The following DYRK4 variants were observed in gnomAD, a reference collection of about 807,000 sequenced individuals.
DYRK4 encodes the protein dual specificity tyrosine-phosphorylation-regulated kinase 4.
Under a neutral mutation model 68.3 loss-of-function variants are expected in DYRK4, and 64 were observed. That is an observed-to-expected ratio of 0.94 (90% CI 0.77 to 1.15). The LOEUF (loss-of-function observed/expected upper bound fraction) is 1.15. DYRK4 is among the 50% of genes most tolerant of loss of function. The pLI, the probability that DYRK4 is intolerant of heterozygous loss-of-function variation, is 0.00. For missense variants in DYRK4, 740 were observed against 764.7 expected (o/e 0.97, Z 0.38); for synonymous variants, 274 against 289.9 (o/e 0.95, Z 0.56).
rs140413837 is a variant in DYRK4 at position 4,599,629 on chromosome 12, G to C, written c.1045-78G>C. The stretch of plus-strand genomic sequence containing the variant: ...GGTCATATTTGAACTGGGCCCTGAA[G>C]GATGAGGAGCATTTAGGTAAGTAGA... On this transcript the variant is annotated intron_variant, in intron 9 of 14. Transcript: ENST00000543431. The C allele has an allele frequency of 1.5e-4, 159 of 1,076,184 alleles. No individual in the cohort carries two copies. In the East Asian group the frequency reaches 3.7e-3, roughly 25 times the overall value. 66.7% of individuals were successfully genotyped at this position (1,076,184 alleles called of 1,614,324 possible). A position where few individuals can be genotyped will look rare whatever the true frequency, so the allele number is the denominator to read the frequency against.
At chr12:4,579,427 G>A (rs1404928409) in intron 2 of DYRK4, among the ~76,000 whole-genome samples, 1 of 152,152 alleles carries the variant, frequency 6.6e-6, no homozygotes, top group Non-Finnish European at 1.5e-5. Context: ...TTAAGCCATT[G>A]GCTAATGCCC....
Position 4,591,684 on chromosome 12 carries a change from A to C in DYRK4, c.463+386A>C. ...GGTACTGAATACTGAGAGCAGAGCA[A>C]AGGGTGCTGAAGCTTGCTCCTTCCT... On this transcript the variant is annotated intron_variant, in intron 5 of 14. Coordinates refer to ENST00000543431, the MANE Select transcript of DYRK4 (RefSeq NM_001394779.1). This position sits in a 1 kb window ranked among gnomAD's most constrained non-coding sequence, Gnocchi z 4.1. 5.7e-6 allele frequency: 1 copy of C among 174,304 alleles called. No individual in the cohort carries two copies. Among genetic ancestry groups the C allele is most frequent in the Non-Finnish European group, 1.2e-5 (1 of 82,256 alleles). The allele number at this position is 174,304 out of a possible 1,614,324, so 10.8% of individuals were successfully genotyped here.
intron 1 of DYRK4, among the ~76,000 whole-genome samples, chr12:4,564,172 A>G (rs1027497685): frequency 1.3e-5 from 2 of 152,358 alleles, no homozygotes; most frequent in Admixed American, 6.5e-5. Context: ...ATACATTTAG[A>G]TAGAAGAAAT....
chr12:4,580,606 C>A (rs1029516912), intron 2 of DYRK4, among the ~76,000 whole-genome samples: 1 of 152,196 alleles, frequency 6.6e-6, no homozygotes, highest in African/African-American at 2.4e-5. Context: ...TAGTTGCATT[C>A]TGCAGAAAAT....
intron 13 of DYRK4, 178 bp downstream of exon 13, chr12:4,610,462 T>G: frequency 1.8e-6 from 1 of 563,064 alleles, no homozygotes; most frequent in Non-Finnish European, 2.9e-6. Flanking sequence ...CAGACATCTC[T>G]CCCTACTGTG....
intron 1 of DYRK4, 134 bp from the exon 2 acceptor site, chr12:4,567,821 G>A (rs1415415727): frequency 5.7e-6 from 4 of 699,528 alleles, no homozygotes; most frequent in Non-Finnish European, 9.5e-6. Flanking sequence ...GAGAAGCAGG[G>A]ACCCTGCTCC....
rs1307487006 is a variant in DYRK4 at position 4,582,823 on chromosome 12, G to C, written c.133-6114G>C. ...TGCAGTGGCAGGAGCCAAAAGGCAG[G>C]GGTAGGGCCATGACAAGGGTTGAGG... is the stretch of plus-strand genomic sequence containing the variant. On this transcript the variant is annotated intron_variant, in intron 2 of 14. Transcript: ENST00000543431. Among the ~76,000 whole-genome samples the C allele has an allele frequency of 2.0e-5, 3 of 152,294 alleles. No homozygotes were observed. The East Asian group carries it at 5.8e-4, about 29-fold the overall frequency.
chr12:4,565,329 AC>A (rs1297552225), intron 1 of DYRK4, among the ~76,000 whole-genome samples: 1 of 152,250 alleles, frequency 6.6e-6, no homozygotes, highest in African/African-American at 2.4e-5. Context: ...GGAATAAGTC[AC>A]AAGAGATTTT....
chr12:4,599,896 A>G (rs1945062269), intron 10 of DYRK4, 108 bp downstream of exon 10: 2 of 882,934 alleles, frequency 2.3e-6, no homozygotes, highest in Non-Finnish European at 3.6e-6. Flanking sequence ...CACCACTACC[A>G]GTATGATTTT....
At chr12:4,589,541 G>T (rs560773485) in intron 3 of DYRK4, among the ~76,000 whole-genome samples, 19 of 152,022 alleles carry the variant, frequency 1.2e-4, no homozygotes, top group Admixed American at 2.6e-4. Flanking sequence ...TAAATTGTTT[G>T]GATTTTTAGA....
chr12:4,571,624 TGTA>T (rs1944731277), intron 2 of DYRK4, among the ~76,000 whole-genome samples: 2 of 152,234 alleles, frequency 1.3e-5, no homozygotes, highest in Non-Finnish European at 1.5e-5. Flanking sequence ...TATATCGTAT[TGTA>T]GTTTATATTT....
intron 2 of DYRK4, 148 bp from the exon 3 acceptor site, chr12:4,588,789 C>T: frequency 7.6e-6 from 5 of 659,604 alleles, no homozygotes; most frequent in Non-Finnish European, 1.3e-5. Flanking sequence ...TCATTGAGTA[C>T]TTATTGGAGC....
At chr12:4,606,168 C>A (rs1174880008) in intron 11 of DYRK4, among the ~76,000 whole-genome samples, 1 of 152,084 alleles carries the variant, frequency 6.6e-6, no homozygotes, top group Non-Finnish European at 1.5e-5. Context: ...TGAAAGCCAT[C>A]TTGTTTTGGA....
intron 2 of DYRK4, among the ~76,000 whole-genome samples, chr12:4,583,305 A>G (rs187451860): frequency 6.6e-6 from 1 of 151,768 alleles, no homozygotes; most frequent in African/African-American, 2.4e-5. Flanking sequence ...ACTGTTCTAC[A>G]TCTCAGCACT....
chr12:4,613,613 G>C lies in DYRK4; in HGVS notation c.1765G>C (p.Asp589His), dbSNP rs1382256542. ...GCAGGACTGTCTCCAGCACGGAGCT[G>C]ACACTGTTCAGCTGCCTCAACTGGT... ...DQQDCLQHGA[D>H]TVQLPQLVDA... The change falls in exon 15 of 15, where the codon GAC becomes CAC. Residue 589 changes from aspartate to histidine, a missense_variant. This residue lies in a region of DYRK4 where 614 missense variants were observed against 603.7 expected (regional missense o/e 1.02). Transcript: ENST00000543431. The surrounding 1 kb of genome is among the most constrained non-coding windows in gnomAD (Gnocchi z 4.0). 6.2e-7 allele frequency: 1 copy of C among 1,614,160 alleles called. No homozygotes were observed. The highest frequency in any genetic ancestry group is 8.5e-7 in the Non-Finnish European group (1 of 1,180,010).
At chr12:4,607,955 T>C (rs539334222) in intron 12 of DYRK4, among the ~76,000 whole-genome samples, 5 of 152,212 alleles carry the variant, frequency 3.3e-5, no homozygotes, top group Admixed American at 6.5e-5. Context: ...GGGAGTAAAC[T>C]TCGTCCACAG....
intron 10 of DYRK4, among the ~76,000 whole-genome samples, chr12:4,603,572 C>T (rs115295858): frequency 1.7e-4 from 26 of 152,156 alleles, no homozygotes; most frequent in Non-Finnish European, 2.6e-4. Flanking sequence ...CTCTTCACAT[C>T]GAGGCAAGGG....
chr12:4,610,282 G>A lies in DYRK4; in HGVS notation c.1488G>A (p.Leu496=). The change falls in exon 13 of 15, where the codon TTG becomes TTA. Residue 496 remains leucine (L), a splice_region_variant and synonymous_variant. Coordinates refer to ENST00000543431, the MANE Select transcript of DYRK4 (RefSeq NM_001394779.1). ...TCCTGGACTTTCTCAGAAGGTGTTT[G>A]GTGTGAGTTTGTTGGGACATCTCTG... ...TSFLDFLRRC[L]VWEPSLRMTP... 6.4e-7 allele frequency: 1 copy of A among 1,557,706 alleles called. No individual in the cohort carries two copies. The highest frequency in any genetic ancestry group is 8.6e-7 in the Non-Finnish European group (1 of 1,157,404).
chr12:4,607,958 G>A (rs1353979720), intron 12 of DYRK4, among the ~76,000 whole-genome samples: 1 of 152,256 alleles, frequency 6.6e-6, no homozygotes, highest in African/African-American at 2.4e-5. Context: ...AGTAAACTTC[G>A]TCCACAGTCC....
Sources: gnomAD v4.1 joint callset for allele counts (sites outside exome capture counted in the v4.1 genomes callset) on GRCh38, gnomAD v4.1.1 for gene constraint, gnomAD v4.1.1 regional missense constraint, Gnocchi (gnomAD v3.1) non-coding constraint, MANE v1.5 for transcripts, NCBI Gene and HGNC (gene_info 2026-07-23, HGNC 2026-07-21) for gene names.